MID1: variants seen among roughly 807,000 people sequenced by gnomAD.
MID1 encodes the protein E3 ubiquitin-protein ligase Midline-1.
MID1 carries 7 observed loss-of-function variants against 40.4 expected under a neutral mutation model. The ratio of observed to expected loss-of-function variants is 0.17; its 90% CI spans 0.10 to 0.33. The LOEUF (loss-of-function observed/expected upper bound fraction) is 0.33. MID1 is among the 10% of genes least tolerant of loss of function. MID1 has a pLI of 1.00. For synonymous variants in MID1, 229 were observed against 221.2 expected (o/e 1.04, Z -0.31); for missense variants, 367 against 558.5 (o/e 0.66, Z 3.46).
intron 1 of MID1, among the ~76,000 whole-genome samples, chrX:10,788,853 G>A (rs1182897339): frequency 8.9e-6 from 1 of 112,293 alleles, no homozygotes; most frequent in African/African-American, 3.2e-5. Context: ...AAGTTCAGTC[G>A]GATGTGGCGG....
chrX:10,582,708 T>G (rs1238755174), intron 1 of MID1: 1 of 112,035 alleles, frequency 8.9e-6, no homozygotes, highest in East Asian at 2.8e-4. Context: ...CCCATAGATT[T>G]TGCTCAAATA....
intron 1 of MID1, among the ~76,000 whole-genome samples, chrX:10,717,699 A>ATAG (rs775905791): frequency 4.5e-5 from 5 of 110,624 alleles, no homozygotes; most frequent in South Asian, 8.1e-4. Flanking sequence ...AGCGGACCTA[A>ATAG]TAGACATCTA....
chrX:10,715,468 C>T (rs2043296021), intron 1 of MID1, among the ~76,000 whole-genome samples: 1 of 111,978 alleles, frequency 8.9e-6, no homozygotes, highest in South Asian at 3.7e-4. Context: ...AGTCTGAGAT[C>T]AAACTGCAAG....
At chrX:10,459,115 T>C (rs920549085) in intron 8 of MID1, among the ~76,000 whole-genome samples, 1 of 110,903 alleles carries the variant, frequency 9.0e-6, no homozygotes, top group Admixed American at 9.6e-5. Context: ...TACATGCCGG[T>C]AGCATCCACC....
At chrX:10,607,080 A>G (rs895883245) in intron 1 of MID1, among the ~76,000 whole-genome samples, 3 of 112,415 alleles carry the variant, frequency 2.7e-5, no homozygotes, top group African/African-American at 9.7e-5. Flanking sequence ...TTAAGAAACA[A>G]AGGCTGATAT....
intron 2 of MID1, among the ~76,000 whole-genome samples, chrX:10,525,769 GAGA>G (rs898085758): frequency 9.8e-5 from 11 of 112,161 alleles, no homozygotes; most frequent in Non-Finnish European, 5.6e-5. Context: ...TTCAATTCCA[GAGA>G]AGATGTCAGG....
At chrX:10,671,011 A>G (rs2042984134) in intron 1 of MID1, among the ~76,000 whole-genome samples, 2 of 111,735 alleles carry the variant, frequency 1.8e-5, no homozygotes, top group Admixed American at 9.5e-5. Context: ...AACTTTCTCC[A>G]ATTTTGCCCT....
At chrX:10,545,289 T>C (rs1374187703) in intron 2 of MID1, among the ~76,000 whole-genome samples, 2 of 112,304 alleles carry the variant, frequency 1.8e-5, no homozygotes, top group Non-Finnish European at 3.8e-5. Context: ...ATTACATGTG[T>C]ACACCTTGAG....
intron 1 of MID1, among the ~76,000 whole-genome samples, chrX:10,722,507 C>T (rs970224697): frequency 8.9e-6 from 1 of 112,130 alleles, no homozygotes; most frequent in Non-Finnish European, 1.9e-5. Flanking sequence ...GTGATGAAAG[C>T]TACAAAAAAT....
chrX:10,736,704 G>A (rs1425263355), intron 1 of MID1, among the ~76,000 whole-genome samples: 1 of 112,158 alleles, frequency 8.9e-6, no homozygotes, highest in Non-Finnish European at 1.9e-5. Context: ...CTAACTAAAG[G>A]ATTCTTTGAG....
At chrX:10,727,334 G>T (rs1179310083) in intron 1 of MID1, among the ~76,000 whole-genome samples, 2 of 111,750 alleles carry the variant, frequency 1.8e-5, no homozygotes, top group Non-Finnish European at 3.8e-5. Flanking sequence ...GGCCAGGCTG[G>T]TGTCAAACTC....
intron 2 of MID1, among the ~76,000 whole-genome samples, chrX:10,533,327 G>GAAAAA (rs1491431073): frequency 2.1e-5 from 1 of 47,799 alleles, no homozygotes; most frequent in African/African-American, 8.6e-5. Flanking sequence ...AAGAAAGAAA[G>GAAAAA]GAAAGAAAGA....
At position 10,677,940 on chromosome X, in the gene MID1, T is replaced by C. The variant is rs138687622; in HGVS notation, c.-186-57521A>G. Among the ~76,000 whole-genome samples the C allele has an allele frequency of 2.4e-3, 267 of 110,836 alleles. 7 individuals carry two copies. The East Asian group carries it at 0.071, about 29-fold the overall frequency. On this transcript the variant is annotated intron_variant, in intron 1 of 10. Coordinates refer to the MID1 transcript ENST00000380785. ...GCAAATGCTATAACTTAGCTATCTTTCTTAACCTCAGTTTTCTGATTCCCC... is the reference window on the plus strand; with the variant it reads ...GCAAATGCTATAACTTAGCTATCTTCCTTAACCTCAGTTTTCTGATTCCCC...
At position 10,724,509 on chromosome X, in the gene MID1, A is replaced by G. The variant is rs1403317191; in HGVS notation, c.-186-104090T>C. Among the ~76,000 whole-genome samples, 28 of 112,033 alleles carry G rather than the reference A, an allele frequency of 2.5e-4. No individual in the cohort carries two copies. In the Admixed American group the frequency reaches 2.7e-3, roughly 11 times the overall value. ...GGGAATGATGAGAATTGATTATAGCATATGCAGCTGACTATAGTAATTCAA... is the reference window on the plus strand; with the variant it reads ...GGGAATGATGAGAATTGATTATAGCGTATGCAGCTGACTATAGTAATTCAA... On this transcript the variant is annotated intron_variant, in intron 1 of 10. Coordinates refer to the MID1 transcript ENST00000380785.
intron 2 of MID1, among the ~76,000 whole-genome samples, chrX:10,530,411 G>A (rs1410302154): frequency 1.8e-5 from 2 of 111,862 alleles, no homozygotes; most frequent in Non-Finnish European, 3.8e-5. Context: ...GATACCTGTG[G>A]GCAGATTTAG....
At chrX:10,514,608 A>C (rs1054962282) in intron 3 of MID1, among the ~76,000 whole-genome samples, 2 of 112,387 alleles carry the variant, frequency 1.8e-5, no homozygotes, top group African/African-American at 6.5e-5. Context: ...AACTGTTTCA[A>C]CTGTCTTACT....
rs760238637 is a variant in MID1 at position 10,740,550 on chromosome X, A to C, written c.-187+93004T>G. On this transcript the variant is annotated intron_variant, in intron 1 of 10. Transcript: ENST00000380785. Reference sequence around the variant, plus strand: ...AAGAATTGCAACACAGTGATTAATTACTGAGTTGTGGCATGAAATCCCTGC... The same window carrying C: ...AAGAATTGCAACACAGTGATTAATTCCTGAGTTGTGGCATGAAATCCCTGC... 5.3e-5 allele frequency among the ~76,000 whole-genome samples: 6 copies of C among 112,301 alleles called. No individual in the cohort carries two copies. The South Asian group carries it at 2.2e-3, about 42-fold the overall frequency.
At chrX:10,461,697 A>G (rs1929052102) in intron 7 of MID1, among the ~76,000 whole-genome samples, 1 of 111,893 alleles carries the variant, frequency 8.9e-6, no homozygotes, top group African/African-American at 3.2e-5. Flanking sequence ...TAGCTTTTCT[A>G]TTATGTAGGA....
At chrX:10,605,597 C>T (rs1935610158) in intron 1 of MID1, among the ~76,000 whole-genome samples, 1 of 112,034 alleles carries the variant, frequency 8.9e-6, no homozygotes, top group African/African-American at 3.2e-5. Context: ...CCAATGCCTT[C>T]TCTCAACATA....
Sources: allele counts gnomAD v4.1 joint callset (sites outside exome capture counted in the v4.1 genomes callset), GRCh38; gene constraint gnomAD v4.1.1; transcripts MANE v1.5; gene names NCBI Gene and HGNC (gene_info 2026-07-23, HGNC 2026-07-21).